TNS3: variants seen among roughly 807,000 people sequenced by gnomAD.
TNS3 encodes tensin 3.
In TNS3, 45 loss-of-function variants were observed where a neutral mutation model predicts 140.9. That is an observed-to-expected ratio of 0.32 (90% CI 0.25 to 0.41). The LOEUF is 0.41. TNS3 is among the 10% of genes least tolerant of loss of function. The pLI is 1.00. For missense variants in TNS3, 1,716 were observed against 1,906.7 expected (o/e 0.90, Z 1.86); for synonymous variants, 815 against 788.4 (o/e 1.03, Z -0.56).
intron 2 of TNS3, among the ~76,000 whole-genome samples, chr7:47,509,416 G>A (rs765909281): frequency 5.9e-5 from 9 of 152,098 alleles, no homozygotes; most frequent in South Asian, 2.1e-4. Flanking sequence ...CAATCTATCC[G>A]TGGCCCAGCT....
intron 1 of TNS3, among the ~76,000 whole-genome samples, chr7:47,535,190 T>C (rs971668523): frequency 6.6e-6 from 1 of 152,230 alleles, no homozygotes; most frequent in Admixed American, 6.5e-5. Flanking sequence ...CCTCAATTAA[T>C]ATTTGTTGAC....
Position 47,275,582 on chromosome 7 carries a change from A to C in TNS3, c.*2494T>G. ...CGGTGTCCACGGTGGGGGCTCTCTC[A>C]CGGTTTCTGAGCCCACAGTACAATC... On this transcript the variant is annotated 3_prime_UTR_variant, in exon 31 of 31. Coordinates refer to ENST00000311160, the MANE Select transcript of TNS3 (RefSeq NM_022748.12). The C allele has an allele frequency of 3.0e-6, 1 of 330,384 alleles. No homozygotes were observed. Among genetic ancestry groups the C allele is most frequent in the South Asian group, 2.5e-5 (1 of 40,808 alleles). 20.5% of individuals were successfully genotyped at this position (330,384 alleles called of 1,614,324 possible).
chr7:47,316,094 T>TTCTCTCTCTCTC (rs56939479), intron 20 of TNS3, among the ~76,000 whole-genome samples: 11 of 105,780 alleles, frequency 1.0e-4, no homozygotes, highest in Non-Finnish European at 1.6e-4. Flanking sequence ...AACTAACTAT[T>TTCTCTCTCTCTC]TCTCTCTCTC....
In TNS3 at chr7:47,303,402, A is replaced by C. The variant is rs745644031; in HGVS notation, c.3005T>G (p.Leu1002Arg). 5.6e-6 allele frequency: 9 copies of C among 1,613,754 alleles called. No individual in the cohort carries two copies. The African/African-American group carries it at 1.1e-4, about 19-fold the overall frequency. ...GGAGTCCGGTGGCTCTGCTAGGGAC[A>C]GCTCATGGCTGTGGAAAGGAGCCTG... ...ELQAPFHSHE[L>R]SLAEPPDSLA... The change falls in exon 22 of 31, where the codon CTG (leucine) becomes CGG (arginine). Residue 1002 changes from leucine (L) to arginine (R), a missense_variant. Transcript: ENST00000311160.
intron 20 of TNS3, among the ~76,000 whole-genome samples, chr7:47,320,144 C>G (rs1787647360): frequency 6.6e-6 from 1 of 152,098 alleles, no homozygotes; most frequent in Admixed American, 6.5e-5. Flanking sequence ...TAGTGACTAT[C>G]TGCGCGGTGC....
chr7:47,414,000 G>A lies in TNS3; in HGVS notation c.587-3C>T. ...GAGCTTCAGAAAGGGCCGGCACACT[G>A]AAAGAAAGGCACAACTGTCTGTAGA... On this transcript the variant is annotated splice_polypyrimidine_tract_variant and splice_region_variant and intron_variant, in intron 11 of 30. Coordinates refer to ENST00000311160, the MANE Select transcript of TNS3 (RefSeq NM_022748.12). The A allele has an allele frequency of 6.2e-7, 1 of 1,613,068 alleles. No individual in the cohort carries two copies. The highest frequency in any genetic ancestry group is 8.5e-7 in the Non-Finnish European group (1 of 1,179,570).
chr7:47,496,629 A>C (rs1798017245), intron 3 of TNS3, among the ~76,000 whole-genome samples: 1 of 152,230 alleles, frequency 6.6e-6, no homozygotes, highest in Non-Finnish European at 1.5e-5. Context: ...ACGCAAACAG[A>C]GTCTGAGTGG....
intron 1 of TNS3, among the ~76,000 whole-genome samples, chr7:47,548,019 G>A (rs1210440152): frequency 6.6e-6 from 1 of 152,188 alleles, no homozygotes; most frequent in East Asian, 1.9e-4. Flanking sequence ...TCCTGTGTCA[G>A]TCTCCCAAGT....
At chr7:47,338,450 C>T (rs935379156) in intron 20 of TNS3, among the ~76,000 whole-genome samples, 8 of 152,334 alleles carry the variant, frequency 5.3e-5, no homozygotes, top group Non-Finnish European at 1.2e-4. Context: ...CATCTTTTCA[C>T]GTGCTCATAA....
intron 4 of TNS3, among the ~76,000 whole-genome samples, chr7:47,458,131 A>G (rs953757842): frequency 6.6e-6 from 1 of 152,206 alleles, no homozygotes; most frequent in South Asian, 2.1e-4. Context: ...ATCTTACTCA[A>G]TTTCTTACAG....
intron 2 of TNS3, among the ~76,000 whole-genome samples, chr7:47,526,523 G>C (rs1278503779): frequency 1.3e-5 from 2 of 152,208 alleles, no homozygotes; most frequent in East Asian, 3.9e-4. Context: ...CTAAGTCCTA[G>C]ACCCAGAGTG....
intron 20 of TNS3, among the ~76,000 whole-genome samples, chr7:47,335,321 C>T (rs1349812818): frequency 6.6e-6 from 1 of 152,260 alleles, no homozygotes; most frequent in Non-Finnish European, 1.5e-5. Flanking sequence ...GGAGGCATTA[C>T]ATCAGTGCCT....
chr7:47,318,345 G>A (rs1046234450), intron 20 of TNS3, among the ~76,000 whole-genome samples: 17 of 152,194 alleles, frequency 1.1e-4, no homozygotes, highest in African/African-American at 3.9e-4. Flanking sequence ...CTGGACACTC[G>A]ATAGCTTTCA....
chr7:47,407,813 G>A lies in TNS3; in HGVS notation c.723+3914C>T, dbSNP rs1394838395. Among the ~76,000 whole-genome samples, 1 of 152,208 alleles carries A rather than the reference G, an allele frequency of 6.6e-6. No individual in the cohort carries two copies. Among genetic ancestry groups the A allele is most frequent in the African/African-American group, 2.4e-5 (1 of 41,458 alleles). On this transcript the variant is annotated intron_variant, in intron 13 of 30. Transcript: ENST00000311160. This position sits in a 1 kb window ranked among gnomAD's most constrained non-coding sequence, Gnocchi z 4.1. ...CACAGGGAGAAGACAGCCACCTCCA[G>A]GTCAAGGAGAGAGGCCTCAGGAGAA... is the stretch of plus-strand genomic sequence containing the variant.
intron 1 of TNS3, among the ~76,000 whole-genome samples, chr7:47,533,414 G>A (rs1238033736): frequency 2.0e-5 from 3 of 146,614 alleles, no homozygotes; most frequent in Admixed American, 7.0e-5. Context: ...ACAGGTGTGA[G>A]CCACCGCACC....
chr7:47,435,531 C>T, intron 7 of TNS3, 127 bp from the exon 8 acceptor site: 2 of 1,373,578 alleles, frequency 1.5e-6, no homozygotes, highest in Non-Finnish European at 2.0e-6. Flanking sequence ...GTGACCCTTT[C>T]CTAAAACTCA....
In TNS3 at chr7:47,350,600, C is replaced by A. The variant is rs531089024; in HGVS notation, c.2282-4244G>T. Among the ~76,000 whole-genome samples, 54 of 152,322 alleles carry A rather than the reference C, an allele frequency of 3.5e-4. No individual in the cohort carries two copies. In the South Asian group the frequency reaches 8.3e-3, roughly 23 times the overall value. ...GCGGGAGCTGCTGTTGAACCCATGTCCTGTCACCAGCAGTAGATGCTCACT... is the reference window on the plus strand; with the variant it reads ...GCGGGAGCTGCTGTTGAACCCATGTACTGTCACCAGCAGTAGATGCTCACT... On this transcript the variant is annotated intron_variant, in intron 17 of 30. Coordinates refer to ENST00000311160, the MANE Select transcript of TNS3 (RefSeq NM_022748.12).
intron 13 of TNS3, among the ~76,000 whole-genome samples, chr7:47,408,032 C>T (rs1793542657): frequency 6.6e-6 from 1 of 152,024 alleles, no homozygotes; most frequent in South Asian, 2.1e-4. Context: ...AGGCGGCTGG[C>T]GGGTTCCAGT....
At chr7:47,396,153 T>C (rs1792814891) in intron 16 of TNS3, among the ~76,000 whole-genome samples, 2 of 152,218 alleles carry the variant, frequency 1.3e-5, no homozygotes. Context: ...CATGACATGC[T>C]AGGAAAAGCC....
Sources: allele counts gnomAD v4.1 joint callset (sites outside exome capture counted in the v4.1 genomes callset), GRCh38; gene constraint gnomAD v4.1.1; non-coding constraint Gnocchi (gnomAD v3.1); transcripts MANE v1.5; gene names NCBI Gene and HGNC (gene_info 2026-07-23, HGNC 2026-07-21).